Variants in DPP10 observed in about 807,000 individuals in gnomAD.
DPP10 encodes dipeptidyl peptidase like 10, also known as inactive dipeptidyl peptidase 10.
A neutral mutation model predicts 120.9 loss-of-function variants in DPP10; 33 were observed. The ratio of observed to expected loss-of-function variants is 0.27; its 90% CI spans 0.21 to 0.37. DPP10 has a LOEUF of 0.37. Among genes scored for constraint, DPP10 ranks in the 10% least tolerant of loss-of-function variants. DPP10 has a pLI of 1.00. For synonymous variants in DPP10, 337 were observed against 326.1 expected (o/e 1.03, Z -0.36); for missense variants, 816 against 942.8 (o/e 0.87, Z 1.76).
At chr2:115,738,057 G>A (rs1369381381) in intron 8 of DPP10, among the ~76,000 whole-genome samples, 1 of 152,154 alleles carries the variant, frequency 6.6e-6, no homozygotes, top group Non-Finnish European at 1.5e-5. Flanking sequence ...TTATTTATAA[G>A]ATTGGCCAAG....
At chr2:115,180,978 G>A (rs1165772054) in intron 1 of DPP10, among the ~76,000 whole-genome samples, 1 of 70,102 alleles carries the variant, frequency 1.4e-5, no homozygotes, top group Non-Finnish European at 4.8e-5. Flanking sequence ...GTGAATAAAA[G>A]TTGTCTCTTT....
intron 1 of DPP10, among the ~76,000 whole-genome samples, chr2:114,446,805 A>C (rs1252204828): frequency 6.6e-6 from 1 of 152,186 alleles, no homozygotes; most frequent in Non-Finnish European, 1.5e-5. Context: ...CCCCCTTGCT[A>C]CTTCTAATCC....
chr2:114,462,168 T>A (rs966189949), intron 1 of DPP10: 1 of 984,430 alleles, frequency 1.0e-6, no homozygotes, highest in Non-Finnish European at 1.2e-6. Context: ...AAAATACACA[T>A]TAAAGTCTTA....
intron 1 of DPP10, among the ~76,000 whole-genome samples, chr2:115,035,909 T>G (rs145687078): frequency 2.2e-3 from 339 of 152,350 alleles, no homozygotes; most frequent in African/African-American, 7.9e-3. Flanking sequence ...CTCCCTATGT[T>G]TGGATGATAA....
At chr2:115,741,911 G>A (rs1050927004) in intron 9 of DPP10, among the ~76,000 whole-genome samples, 1 of 152,098 alleles carries the variant, frequency 6.6e-6, no homozygotes, top group African/African-American at 2.4e-5. Context: ...ATTAAATTAT[G>A]TCAGCAATAA....
chr2:114,723,719 T>TC (rs199731124), intron 1 of DPP10, among the ~76,000 whole-genome samples: 5,000 of 152,296 alleles, frequency 0.033, 123 homozygotes, highest in Middle Eastern at 0.065. Context: ...CTATTTTTTT[T>TC]CTAAAATTGC....
chr2:114,632,503 GTTTTTTTTTTTTT>G (rs756591992), intron 1 of DPP10, among the ~76,000 whole-genome samples: 1 of 88,622 alleles, frequency 1.1e-5, no homozygotes, highest in African/African-American at 4.6e-5. Flanking sequence ...TGGACTTAGG[GTTTTTTTTTTTTT>G]TTTTTTTTTT....
chr2:115,322,467 A>G (rs1271201568), intron 2 of DPP10, among the ~76,000 whole-genome samples: 4 of 152,182 alleles, frequency 2.6e-5, no homozygotes, highest in African/African-American at 9.6e-5. Context: ...TTTTCAGGTT[A>G]GCTCTGTGTT....
At chr2:115,586,630 G>A (rs1264334295) in intron 5 of DPP10, among the ~76,000 whole-genome samples, 4 of 151,908 alleles carry the variant, frequency 2.6e-5, no homozygotes, top group African/African-American at 9.7e-5. Context: ...GATTTTGGCT[G>A]TTTTCTTCTG....
chr2:115,585,948 A>G (rs919356124), intron 5 of DPP10, among the ~76,000 whole-genome samples: 1 of 152,212 alleles, frequency 6.6e-6, no homozygotes, highest in Non-Finnish European at 1.5e-5. Context: ...ATAATAATCC[A>G]ATGTGAGGAT....
At chr2:115,527,806 A>G (rs2078221188) in intron 5 of DPP10, among the ~76,000 whole-genome samples, 1 of 152,172 alleles carries the variant, frequency 6.6e-6, no homozygotes, top group Non-Finnish European at 1.5e-5. Flanking sequence ...TGAAACTACA[A>G]TAGAATATCA....
At chr2:114,810,622 C>G (rs923828588) in intron 1 of DPP10, among the ~76,000 whole-genome samples, 11 of 152,206 alleles carry the variant, frequency 7.2e-5, no homozygotes, top group African/African-American at 2.4e-4. Context: ...ATTAGTACTT[C>G]CAACTCTTCT....
intron 1 of DPP10, among the ~76,000 whole-genome samples, chr2:114,872,961 G>T (rs995957960): frequency 7.9e-5 from 12 of 152,180 alleles, no homozygotes. Flanking sequence ...ATCCAACAAA[G>T]CTGTGAACTC....
chr2:115,759,687 A>G (rs1161052029), intron 11 of DPP10, among the ~76,000 whole-genome samples: 1 of 126,610 alleles, frequency 7.9e-6, no homozygotes, highest in African/African-American at 2.9e-5. Flanking sequence ...ACACACACAC[A>G]TATATATACA....
intron 5 of DPP10, among the ~76,000 whole-genome samples, chr2:115,661,834 C>A (rs111549063): frequency 1.3e-5 from 2 of 152,208 alleles, no homozygotes; most frequent in Non-Finnish European, 1.5e-5. Context: ...TTATTAACTT[C>A]TATCACCTCC....
At chr2:114,928,200 C>T (rs1490496663) in intron 1 of DPP10, among the ~76,000 whole-genome samples, 1 of 152,216 alleles carries the variant, frequency 6.6e-6, no homozygotes, top group Non-Finnish European at 1.5e-5. Context: ...TAACTTGTTC[C>T]AGCATCAACT....
chr2:115,840,185 C>A (rs1165988109), intron 24 of DPP10, among the ~76,000 whole-genome samples: 1 of 151,130 alleles, frequency 6.6e-6, no homozygotes, highest in Non-Finnish European at 1.5e-5. Flanking sequence ...AATATAAACA[C>A]CATTCTGTAG....
At chr2:115,739,627 A>C in intron 8 of DPP10, 112 bp from the exon 9 acceptor site, 1 of 1,144,720 alleles carries the variant, frequency 8.7e-7, no homozygotes, top group South Asian at 1.6e-5. Flanking sequence ...ATAAAATTCA[A>C]TACACAGTCT....
At chr2:115,058,294 A>G (rs893706060) in intron 1 of DPP10, among the ~76,000 whole-genome samples, 1 of 128,330 alleles carries the variant, frequency 7.8e-6, no homozygotes, top group African/African-American at 2.7e-5. Flanking sequence ...AAAAAAAAAA[A>G]AAAAAAAAAG....
Sources: allele counts gnomAD v4.1 joint callset (sites outside exome capture counted in the v4.1 genomes callset), GRCh38; gene constraint gnomAD v4.1.1; transcripts MANE v1.5; gene names NCBI Gene and HGNC (gene_info 2026-07-23, HGNC 2026-07-21).